The following PLB1 variants were observed in gnomAD, a reference collection of about 807,000 sequenced individuals.
The protein encoded by PLB1 is phospholipase B1, also known as phospholipase B1, membrane-associated.
A neutral mutation model predicts 227.4 loss-of-function variants in PLB1; 242 were observed. That is an observed-to-expected ratio of 1.06 (90% CI 0.96 to 1.18). The LOEUF (loss-of-function observed/expected upper bound fraction) is 1.18, where lower values mean the gene tolerates loss of function less well. PLB1 is among the 50% of genes most tolerant of loss of function. PLB1 has a pLI of 0.00. For missense variants in PLB1, 1,858 were observed against 1,816.3 expected (o/e 1.02, Z -0.42); for synonymous variants, 757 against 682.2 (o/e 1.11, Z -1.71).
In PLB1 at chr2:28,604,769, C is replaced by T. The variant is rs1641993244; in HGVS notation, c.2961+10C>T. On this transcript the variant is annotated intron_variant, in intron 41 of 57. Coordinates refer to ENST00000327757, the MANE Select transcript of PLB1 (RefSeq NM_153021.5). ...GCTCCCTGTCCTGGCGGTATGTCCC[C>T]TGCCCTCACCCATGGTACTCTTTTA... 6.2e-7 allele frequency: 1 copy of T among 1,610,440 alleles called. No homozygotes were observed. Among genetic ancestry groups the T allele is most frequent in the Non-Finnish European group, 8.5e-7 (1 of 1,177,342 alleles).
chr2:28,519,570 C>T, intron 3 of PLB1, 135 bp from the exon 4 acceptor site: 5 of 653,740 alleles, frequency 7.6e-6, no homozygotes, highest in Non-Finnish European at 1.4e-5. Context: ...CATTCCACTT[C>T]CATGGCCAAC....
rs1318508342 is a variant in PLB1, at chr2:28,520,130, GTT to G, written c.243+368_243+369del. Among the ~76,000 whole-genome samples, 183 of 151,902 alleles carry G rather than the reference GTT, an allele frequency of 1.2e-3. 1 individual carries two copies. The highest frequency in any genetic ancestry group is 4.2e-3 in the African/African-American group (176 of 41,428). On this transcript the variant is annotated intron_variant, in intron 4 of 57. Coordinates refer to ENST00000327757, the MANE Select transcript of PLB1 (RefSeq NM_153021.5). The stretch of plus-strand genomic sequence containing the variant: ...TTTAGTAGAGACAGAGTTTCTCCAT[GTT>G]GGTCAGGCTAGTCTCGAACTCCTGA...
rs1670799135 is a variant in PLB1 at position 28,529,925 on chromosome 2, T to C, written c.468+146T>C. On this transcript the variant is annotated intron_variant, in intron 8 of 57. Transcript: ENST00000327757. ...GGTTCTTTAAAAAATGTCTCTGCCA[T>C]TCTCTGGCGGTCATTAGAGGAAAGG... is the stretch of plus-strand genomic sequence containing the variant. 6 of 648,198 alleles carry C rather than the reference T, an allele frequency of 9.3e-6. No homozygotes were observed. In the South Asian group the frequency reaches 1.2e-4, roughly 13 times the overall value. 40.2% of individuals were successfully genotyped at this position (648,198 alleles called of 1,614,324 possible).
chr2:28,603,683 A>C (rs147081002), intron 39 of PLB1, among the ~76,000 whole-genome samples: 3 of 152,338 alleles, frequency 2.0e-5, no homozygotes, highest in Admixed American at 2.0e-4. Flanking sequence ...TGCTCAGCTG[A>C]ATAATCGGTT....
rs2272386 is a variant in PLB1 at position 28,643,603 on chromosome 2, A to T, written c.*542A>T. 1 of 152,170 alleles carries T rather than the reference A, an allele frequency of 6.6e-6. No homozygotes were observed. 9.4% of individuals were successfully genotyped at this position (152,170 alleles called of 1,614,324 possible). A position where few individuals can be genotyped will look rare whatever the true frequency, so the allele number is the denominator to read the frequency against. On this transcript the variant is annotated 3_prime_UTR_variant, in exon 58 of 58. Transcript: ENST00000327757. ...TAGGCTGTGCATGTCGCAGCCTGGC[A>T]GAGAGGTCAAACTCCTTCAATAACC...
chr2:28,513,742 C>G (rs185874646), intron 1 of PLB1, among the ~76,000 whole-genome samples: 1 of 152,284 alleles, frequency 6.6e-6, no homozygotes, highest in East Asian at 1.9e-4. Flanking sequence ...AATAAAAGAC[C>G]TAGAAGATTC....
In PLB1 at chr2:28,620,707, G is replaced by A. The variant is rs368777093; in HGVS notation, c.3427+64G>A. The A allele has an allele frequency of 5.0e-5, 80 of 1,601,034 alleles. No individual in the cohort carries two copies. The Middle Eastern group carries it at 8.3e-4, about 17-fold the overall frequency. Reference sequence around the variant, plus strand: ...TCCTCCCTGGGGCCAGGGCCTTCCTGCTGGAGGAGGGGAAGAGGAGGTTAT... The same window carrying A: ...TCCTCCCTGGGGCCAGGGCCTTCCTACTGGAGGAGGGGAAGAGGAGGTTAT... On this transcript the variant is annotated intron_variant, in intron 48 of 57. Coordinates refer to ENST00000327757, the MANE Select transcript of PLB1 (RefSeq NM_153021.5).
intron 33 of PLB1, among the ~76,000 whole-genome samples, chr2:28,596,634 GA>G (rs1304472655): frequency 6.6e-6 from 1 of 152,122 alleles, no homozygotes; most frequent in Non-Finnish European, 1.5e-5. Flanking sequence ...CTTTAGTCCA[GA>G]AAAAGAAGGA....
chr2:28,540,789 G>A (rs1432972670), intron 12 of PLB1, among the ~76,000 whole-genome samples: 1 of 152,146 alleles, frequency 6.6e-6, no homozygotes, highest in Non-Finnish European at 1.5e-5. Flanking sequence ...AGCTGGTTTT[G>A]CCCAGTGTGC....
intron 55 of PLB1, 115 bp downstream of exon 55, chr2:28,632,255 A>G: frequency 1.2e-6 from 1 of 831,162 alleles, no homozygotes; most frequent in Non-Finnish European, 1.9e-6. Flanking sequence ...CTCCAAGAGG[A>G]TTCCTGAGGG....
rs543430894 is a variant in PLB1 at position 28,626,284 on chromosome 2, C to T, written c.3580-144C>T. On this transcript the variant is annotated intron_variant, in intron 50 of 57. Transcript: ENST00000327757. The stretch of plus-strand genomic sequence containing the variant: ...GTGCTGGGATTACAGGTGTGAGCCA[C>T]CGTGCCTGGCCCAATTTGCTGCTTT... The T allele has an allele frequency of 1.7e-4, 105 of 633,172 alleles. No individual in the cohort carries two copies. The African/African-American group carries it at 1.8e-3, about 11-fold the overall frequency. The allele number at this position is 633,172 out of a possible 1,614,324, so 39.2% of individuals were successfully genotyped here.
intron 8 of PLB1, among the ~76,000 whole-genome samples, chr2:28,530,402 T>C (rs137923345): frequency 8.5e-5 from 13 of 152,310 alleles, no homozygotes; most frequent in African/African-American, 3.1e-4. Context: ...CAAAGGGTTT[T>C]GGGAGCATTA....
intron 1 of PLB1, among the ~76,000 whole-genome samples, chr2:28,500,099 GAATT>G (rs565352827): frequency 1.3e-5 from 2 of 152,144 alleles, no homozygotes; most frequent in Non-Finnish European, 2.9e-5. Flanking sequence ...CTAATGTTGT[GAATT>G]AAATAAATTG....
chr2:28,566,864 T>A, intron 20 of PLB1, 25 bp downstream of exon 20: 1 of 1,613,434 alleles, frequency 6.2e-7, no homozygotes, highest in Non-Finnish European at 8.5e-7. Context: ...GCGGCCGGGA[T>A]GTTTGGTTTG....
chr2:28,572,599 A>C (rs988977492), intron 20 of PLB1, among the ~76,000 whole-genome samples: 7 of 152,246 alleles, frequency 4.6e-5, no homozygotes, highest in African/African-American at 1.7e-4. Flanking sequence ...GTTGCATGCT[A>C]CAACATGGGT....
chr2:28,569,210 G>A (rs1298617403), intron 20 of PLB1, among the ~76,000 whole-genome samples: 2 of 144,150 alleles, frequency 1.4e-5, no homozygotes, highest in Non-Finnish European at 3.1e-5. Context: ...GACAGCGGGG[G>A]CAAGTGTCCT....
At chr2:28,629,941 G>A (rs1688362032) in intron 53 of PLB1, among the ~76,000 whole-genome samples, 1 of 152,198 alleles carries the variant, frequency 6.6e-6, no homozygotes, top group Admixed American at 6.5e-5. Flanking sequence ...CCTACACCTG[G>A]GCTCAAATGG....
At chr2:28,578,883 T>C (rs1199560209) in intron 22 of PLB1, among the ~76,000 whole-genome samples, 1 of 152,166 alleles carries the variant, frequency 6.6e-6, no homozygotes, top group Non-Finnish European at 1.5e-5. Flanking sequence ...CCTTCCACGC[T>C]CTTTTGGAAG....
At chr2:28,530,033 A>G (rs1192581709) in intron 8 of PLB1, among the ~76,000 whole-genome samples, 1 of 151,852 alleles carries the variant, frequency 6.6e-6, no homozygotes, top group Non-Finnish European at 1.5e-5. Flanking sequence ...TAATTTTTAT[A>G]TTTTTGGTAG....
Sources: allele counts gnomAD v4.1 joint callset (sites outside exome capture counted in the v4.1 genomes callset), GRCh38; gene constraint gnomAD v4.1.1; transcripts MANE v1.5; gene names NCBI Gene and HGNC (gene_info 2026-07-23, HGNC 2026-07-21).